The following APPBP2 variants were observed in gnomAD, a reference collection of about 807,000 sequenced individuals.
The protein encoded by APPBP2 is amyloid protein-binding protein 2.
APPBP2 carries 15 observed loss-of-function variants against 76.0 expected under a neutral mutation model. The observed-to-expected ratio is 0.20, with a 90% CI of 0.13 to 0.30. APPBP2 has a LOEUF of 0.30. APPBP2 is among the 10% of genes least tolerant of loss of function. The probability of loss-of-function intolerance (pLI) is 1.00; values close to 1 mark genes in which losing one functional copy is unlikely to be tolerated. For synonymous variants in APPBP2, 222 were observed against 242.2 expected, an observed-to-expected ratio of 0.92 and a Z score of 0.77; for missense variants, 401 against 687.2, an observed-to-expected ratio of 0.58 and a Z score of 4.66.
intron 12 of APPBP2, among the ~76,000 whole-genome samples, chr17:60,449,120 G>A (rs994117232): frequency 1.3e-5 from 2 of 152,216 alleles, no homozygotes; most frequent in Admixed American, 6.5e-5. Context: ...AAGGAAAACT[G>A]TAAACGAATA....
intron 2 of APPBP2, among the ~76,000 whole-genome samples, chr17:60,497,524 ATGCT>A (rs1359341251): frequency 6.6e-6 from 1 of 152,178 alleles, no homozygotes; most frequent in Non-Finnish European, 1.5e-5. Flanking sequence ...CAAAGAATAA[ATGCT>A]TGAGGTGATG....
At chr17:60,493,851 G>A (rs1314265866) in intron 3 of APPBP2, among the ~76,000 whole-genome samples, 2 of 152,120 alleles carry the variant, frequency 1.3e-5, no homozygotes, top group African/African-American at 4.8e-5. Context: ...ATGCTGGCCA[G>A]GCTGGTCTCG....
At chr17:60,455,194 A>AT (rs1417715622) in intron 10 of APPBP2, among the ~76,000 whole-genome samples, 2 of 152,180 alleles carry the variant, frequency 1.3e-5, no homozygotes, top group Non-Finnish European at 2.9e-5. Flanking sequence ...AAAAGGATAT[A>AT]TGTAGAGACA....
At chr17:60,465,700 T>G (rs967403280) in intron 5 of APPBP2, among the ~76,000 whole-genome samples, 2 of 152,092 alleles carry the variant, frequency 1.3e-5, no homozygotes, top group Non-Finnish European at 1.5e-5. Context: ...AGATCCTGTC[T>G]CAAAAACTAC....
chr17:60,456,904 G>A (rs2090435199), intron 9 of APPBP2, among the ~76,000 whole-genome samples: 1 of 152,112 alleles, frequency 6.6e-6, no homozygotes, highest in African/African-American at 2.4e-5. Context: ...GGGAGGCTGA[G>A]GTGGGTGGAT....
At chr17:60,460,932 G>C (rs1173027544) in intron 8 of APPBP2, 145 bp from the exon 9 acceptor site, 5 of 692,106 alleles carry the variant, frequency 7.2e-6, no homozygotes, top group East Asian at 6.8e-5. Context: ...TTAAATTACA[G>C]AACATGAAAG....
chr17:60,503,954 A>T (rs1432674025), intron 1 of APPBP2, among the ~76,000 whole-genome samples: 2 of 152,194 alleles, frequency 1.3e-5, no homozygotes, highest in Non-Finnish European at 2.9e-5. Context: ...TGCCTCTTGA[A>T]GATAATATAA....
rs1342315248 is a variant in APPBP2 at position 60,514,692 on chromosome 17, A to G, written c.138+11102T>C. Among the ~76,000 whole-genome samples, 6 of 147,526 alleles carry G rather than the reference A, an allele frequency of 4.1e-5. No individual in the cohort carries two copies. The South Asian group carries it at 1.2e-3, about 31-fold the overall frequency. ...TCTAACAGGATTTTCCACACATTCA[A>G]CAAGTATTCCTGGAAGAAAAATTCT... is the stretch of plus-strand genomic sequence containing the variant. On this transcript the variant is annotated intron_variant, in intron 1 of 12. Transcript: ENST00000083182.
intron 2 of APPBP2, among the ~76,000 whole-genome samples, chr17:60,497,070 T>A (rs1193174590): frequency 6.6e-6 from 1 of 152,174 alleles, no homozygotes; most frequent in African/African-American, 2.4e-5. Context: ...ACAAACTCCA[T>A]GAGGAAGGGA....
At chr17:60,463,054 A>T (rs959845648) in intron 6 of APPBP2, among the ~76,000 whole-genome samples, 7 of 152,152 alleles carry the variant, frequency 4.6e-5, no homozygotes, top group African/African-American at 1.7e-4. Flanking sequence ...AAAACGTAAG[A>T]ATATCCCTGT....
intron 2 of APPBP2, among the ~76,000 whole-genome samples, chr17:60,499,487 A>G (rs2090804945): frequency 6.6e-6 from 1 of 152,350 alleles, no homozygotes; most frequent in Middle Eastern, 3.4e-3. Flanking sequence ...CAGCCTGTAC[A>G]ACATAGTCAA....
chr17:60,460,739 C>T lies in APPBP2; in HGVS notation c.985G>A (p.Val329Ile), dbSNP rs2090470254. The part of the protein sequence containing the change: ...QSVFGGKNIH[V>I]ATAHEDLAYS... ...GCCAAATCTTCATGAGCTGTTGCTACGTGGATATTTTTGCCACCAAACACT... is the reference window on the plus strand; with the variant it reads ...GCCAAATCTTCATGAGCTGTTGCTATGTGGATATTTTTGCCACCAAACACT... The change falls in exon 9 of 13, where the codon GTA (valine) becomes ATA (isoleucine). Residue 329 changes from valine to isoleucine, a missense_variant. This residue lies in a region of APPBP2 where 130 missense variants were observed against 322.7 expected (regional missense o/e 0.40). Transcript: ENST00000083182. 6 of 1,613,654 alleles carry T rather than the reference C, an allele frequency of 3.7e-6. No individual in the cohort carries two copies. Among genetic ancestry groups the T allele is most frequent in the Non-Finnish European group, 3.4e-6 (4 of 1,179,724 alleles).
intron 1 of APPBP2, among the ~76,000 whole-genome samples, chr17:60,504,265 C>A (rs753844923): frequency 2.0e-5 from 3 of 152,108 alleles, no homozygotes; most frequent in Non-Finnish European, 4.4e-5. Context: ...GGCAAATTAT[C>A]ACCCACCAGA....
At chr17:60,499,201 T>A (rs759874646) in intron 2 of APPBP2, among the ~76,000 whole-genome samples, 3 of 150,738 alleles carry the variant, frequency 2.0e-5, no homozygotes, top group Non-Finnish European at 4.4e-5. Flanking sequence ...TGTGATAGCA[T>A]GCGCCTATAG....
intron 1 of APPBP2, among the ~76,000 whole-genome samples, chr17:60,516,535 T>C (rs974984599): frequency 2.6e-5 from 4 of 152,248 alleles, no homozygotes; most frequent in African/African-American, 9.6e-5. Context: ...GATTCATTCA[T>C]ATTATTTCAA....
intron 12 of APPBP2, among the ~76,000 whole-genome samples, chr17:60,449,852 C>T (rs1307811348): frequency 2.0e-5 from 3 of 151,978 alleles, no homozygotes; most frequent in African/African-American, 4.8e-5. Flanking sequence ...GGCTGGAGTG[C>T]ACAGTGCAAT....
intron 1 of APPBP2, among the ~76,000 whole-genome samples, chr17:60,511,237 T>A (rs1292211088): frequency 6.6e-6 from 1 of 152,148 alleles, no homozygotes; most frequent in East Asian, 1.9e-4. Flanking sequence ...TACCAATATG[T>A]GGTGAAAATC....
At chr17:60,513,407 C>A in intron 1 of APPBP2, 1 of 669,476 alleles carries the variant, frequency 1.5e-6, no homozygotes, top group Admixed American at 2.1e-5. Context: ...CTTGTGATCA[C>A]CTATCGGGAT....
intron 1 of APPBP2, among the ~76,000 whole-genome samples, chr17:60,505,411 G>A (rs545170989): frequency 2.3e-4 from 35 of 152,316 alleles, no homozygotes; most frequent in Non-Finnish European, 4.0e-4. Context: ...CGCCTCCCGC[G>A]TTCACGCCAT....
Sources: gnomAD v4.1 joint callset for allele counts (sites outside exome capture counted in the v4.1 genomes callset) on GRCh38, gnomAD v4.1.1 for gene constraint, gnomAD v4.1.1 regional missense constraint, MANE v1.5 for transcripts, NCBI Gene and HGNC (gene_info 2026-07-23, HGNC 2026-07-21) for gene names.